The following CCBE1 variants were observed in gnomAD, a reference collection of about 807,000 sequenced individuals.
CCBE1 encodes collagen and calcium-binding EGF domain-containing protein 1.
CCBE1 carries 37 observed loss-of-function variants against 50.0 expected under a neutral mutation model. The ratio of observed to expected loss-of-function variants is 0.74; its 90% confidence interval spans 0.57 to 0.97. The LOEUF (loss-of-function observed/expected upper bound fraction) is 0.97, where lower values mean the gene tolerates loss of function less well. Among genes scored for constraint, CCBE1 ranks in the 50% least tolerant of loss-of-function variants. The pLI, the probability that CCBE1 is intolerant of heterozygous loss-of-function variation, is 0.00. For synonymous variants in CCBE1, 234 were observed against 203.7 expected (o/e 1.15, Z -1.27); for missense variants, 538 against 523.8 (o/e 1.03, Z -0.26).
intron 2 of CCBE1, among the ~76,000 whole-genome samples, chr18:59,577,037 G>T (rs1451367979): frequency 2.0e-5 from 3 of 152,188 alleles, no homozygotes; most frequent in African/African-American, 7.2e-5. Context: ...GCACATAAAA[G>T]AAATCCAATA....
Position 59,432,944 on chromosome 18 carries a change from T to C in CCBE1, c.*2964A>G, listed in dbSNP as rs1909993577. The C allele has an allele frequency of 1.1e-5, 1 of 87,270 alleles. No individual in the cohort carries two copies. Among genetic ancestry groups the C allele is most frequent in the African/African-American group, 4.3e-5 (1 of 23,048 alleles). The allele number at this position is 87,270 out of a possible 1,614,324, so 5.4% of individuals were successfully genotyped here. On this transcript the variant is annotated 3_prime_UTR_variant, in exon 11 of 11. Coordinates refer to ENST00000439986, the MANE Select transcript of CCBE1 (RefSeq NM_133459.4). ...AGCCATCTCTCATACAGCTTGTGCA[T>C]AGTTTTGTGTGTTTTTTTTTAAACA...
intron 2 of CCBE1, among the ~76,000 whole-genome samples, chr18:59,492,899 A>C (rs920412429): frequency 1.3e-5 from 2 of 152,184 alleles, no homozygotes; most frequent in African/African-American, 4.8e-5. Flanking sequence ...TTGAAGTGTA[A>C]ATGTCTAGAG....
intron 2 of CCBE1, among the ~76,000 whole-genome samples, chr18:59,484,984 T>C (rs1263140304): frequency 6.6e-6 from 1 of 152,238 alleles, no homozygotes; most frequent in Non-Finnish European, 1.5e-5. Flanking sequence ...TACGCAAGCA[T>C]GGGCACTTGT....
rs186532257 is a variant in CCBE1 at position 59,535,202 on chromosome 18, C to T, written c.213-54964G>A. ...GAAGCCTTGATGCTGGAAAGATAAA[C>T]GTTGAGACTGTCAACGCTGGTGAGC... On this transcript the variant is annotated intron_variant, in intron 2 of 10. Transcript: ENST00000439986. 5.8e-3 allele frequency among the ~76,000 whole-genome samples: 880 copies of T among 152,234 alleles called. 14 individuals are homozygous for T. The highest frequency in any genetic ancestry group is 5.3e-3 in the Non-Finnish European group (360 of 68,020).
chr18:59,544,324 T>C (rs945072118), intron 2 of CCBE1, among the ~76,000 whole-genome samples: 3 of 150,014 alleles, frequency 2.0e-5, no homozygotes, highest in Non-Finnish European at 3.0e-5. Flanking sequence ...ACTGTATTTG[T>C]CTGCTAAAAA....
chr18:59,639,915 A>G (rs1218970687), intron 2 of CCBE1, among the ~76,000 whole-genome samples: 2 of 152,208 alleles, frequency 1.3e-5, no homozygotes, highest in African/African-American at 4.8e-5. Context: ...ATAATACAAT[A>G]CCTAGGAATA....
At chr18:59,448,437 C>G (rs1352325407) in intron 6 of CCBE1, among the ~76,000 whole-genome samples, 1 of 152,142 alleles carries the variant, frequency 6.6e-6, no homozygotes, top group African/African-American at 2.4e-5. Flanking sequence ...TTTTATGTCT[C>G]AAACATTTAT....
intron 2 of CCBE1, among the ~76,000 whole-genome samples, chr18:59,530,327 G>T (rs1434831760): frequency 6.6e-6 from 1 of 152,058 alleles, no homozygotes; most frequent in African/African-American, 2.4e-5. Context: ...AATGCTAAAA[G>T]ATGGCAGGAT....
intron 7 of CCBE1, among the ~76,000 whole-genome samples, chr18:59,440,273 G>A (rs1003924603): frequency 1.3e-5 from 2 of 152,164 alleles, no homozygotes; most frequent in Admixed American, 6.5e-5. Flanking sequence ...AATCTGACAA[G>A]TTGCCTGAGC....
rs1460195836 is a variant in CCBE1, at chr18:59,539,291, G to A, written c.213-59053C>T. The stretch of plus-strand genomic sequence containing the variant: ...TGGGGCCTTGTGGCTTGCATGCTTC[G>A]ATGAAGAACACTGCCACACTGAAGA... On this transcript the variant is annotated intron_variant, in intron 2 of 10. Transcript: ENST00000439986. Among the ~76,000 whole-genome samples, 6 of 152,128 alleles carry A rather than the reference G, an allele frequency of 3.9e-5. 1 individual carries two copies. Among genetic ancestry groups the A allele is most frequent in the South Asian group, 4.2e-4 (2 of 4,810 alleles).
chr18:59,448,692 C>A (rs903327878), intron 6 of CCBE1, among the ~76,000 whole-genome samples: 4 of 152,232 alleles, frequency 2.6e-5, no homozygotes, highest in Non-Finnish European at 5.9e-5. Flanking sequence ...CCTTAATAAA[C>A]TCCCTTTCAT....
rs1241065304 is a variant in CCBE1 at position 59,550,664 on chromosome 18, AC to A, written c.213-70427del. On this transcript the variant is annotated intron_variant, in intron 2 of 10. Transcript: ENST00000439986. ...TAGCAGCTCAAGAATCCTAATGCAAACCCCAAACAGCAGGTGCCATTCTCTG... is the reference window on the plus strand; with the variant it reads ...TAGCAGCTCAAGAATCCTAATGCAAACCCAAACAGCAGGTGCCATTCTCTG... Among the ~76,000 whole-genome samples, 8 of 152,192 alleles carry A rather than the reference AC, an allele frequency of 5.3e-5. No homozygotes were observed. In the East Asian group the frequency reaches 1.5e-3, roughly 29 times the overall value.
intron 2 of CCBE1, among the ~76,000 whole-genome samples, chr18:59,642,438 C>G (rs2054002056): frequency 6.6e-6 from 1 of 152,138 alleles, no homozygotes; most frequent in South Asian, 2.1e-4. Context: ...CAAACATCCC[C>G]CCTCCATGAC....
rs1210697802 is a variant in CCBE1, at chr18:59,451,222, G to C, written c.655-3119C>G. On this transcript the variant is annotated intron_variant, in intron 6 of 10. Transcript: ENST00000439986. The stretch of plus-strand genomic sequence containing the variant: ...CACACTTCCCTCAACTGCTCAACGT[G>C]GGGAGAGTCGCTGGTTTAAGAGTAG... Among the ~76,000 whole-genome samples the C allele has an allele frequency of 2.0e-5, 3 of 151,950 alleles. No homozygotes were observed. The East Asian group carries it at 5.8e-4, about 29-fold the overall frequency.
chr18:59,684,092 G>A (rs767337002), intron 2 of CCBE1, among the ~76,000 whole-genome samples: 1 of 152,164 alleles, frequency 6.6e-6, no homozygotes, highest in Non-Finnish European at 1.5e-5. Context: ...TAAACACTGA[G>A]GGTTTCTGGA....
chr18:59,613,441 A>G (rs2053597650), intron 2 of CCBE1, among the ~76,000 whole-genome samples: 1 of 152,216 alleles, frequency 6.6e-6, no homozygotes, highest in South Asian at 2.1e-4. Flanking sequence ...TCTCTGAAGA[A>G]TATAGTTCAA....
At chr18:59,491,840 A>AATAAACAAACAAAAC (rs1454696653) in intron 2 of CCBE1, among the ~76,000 whole-genome samples, 1 of 152,004 alleles carries the variant, frequency 6.6e-6, no homozygotes, top group Non-Finnish European at 1.5e-5. Flanking sequence ...ACAAACAAAA[A>AATAAACAAACAAAAC]AAAACGTTTC....
chr18:59,474,200 A>G (rs1912200740), intron 3 of CCBE1, among the ~76,000 whole-genome samples: 2 of 152,206 alleles, frequency 1.3e-5, no homozygotes, highest in South Asian at 4.1e-4. Context: ...ATGAACATAG[A>G]AATACATGTG....
At chr18:59,624,099 T>G (rs1214903106) in intron 2 of CCBE1, among the ~76,000 whole-genome samples, 1 of 152,204 alleles carries the variant, frequency 6.6e-6, no homozygotes, top group Non-Finnish European at 1.5e-5. Flanking sequence ...TCACCAGAAA[T>G]GCAATTTAAG....
Sources: gnomAD v4.1 joint callset for allele counts (sites outside exome capture counted in the v4.1 genomes callset) on GRCh38, gnomAD v4.1.1 for gene constraint, MANE v1.5 for transcripts, NCBI Gene and HGNC (gene_info 2026-07-23, HGNC 2026-07-21) for gene names.